Variants in SYNPO observed in about 807,000 individuals in gnomAD.
The protein encoded by SYNPO is synaptopodin.
A neutral mutation model predicts 49.5 loss-of-function variants in SYNPO; 19 were observed. That is an observed-to-expected ratio of 0.38 (90% confidence interval 0.27 to 0.56). The LOEUF (loss-of-function observed/expected upper bound fraction) is 0.56. SYNPO is among the 20% of genes least tolerant of loss of function. The pLI is 0.68. For missense variants in SYNPO, 1,131 were observed against 1,248.3 expected, an observed-to-expected ratio of 0.91 and a Z score of 1.42; for synonymous variants, 536 against 548.0, an observed-to-expected ratio of 0.98 and a Z score of 0.31.
chr5:150,626,364 C>T (rs1332167785), intron 2 of SYNPO, among the ~76,000 whole-genome samples: 2 of 152,230 alleles, frequency 1.3e-5, no homozygotes, highest in East Asian at 3.8e-4. Flanking sequence ...TCCTCCCCTT[C>T]TCTGGTCCTC....
Position 150,640,855 on chromosome 5 carries a change from G to GT in SYNPO, c.-333+2dup. 2 of 985,664 alleles carry GT rather than the reference G, an allele frequency of 2.0e-6. No individual in the cohort carries two copies. Among genetic ancestry groups the GT allele is most frequent in the Non-Finnish European group, 2.4e-6 (2 of 829,980 alleles). The allele number at this position is 985,664 out of a possible 1,614,324, so 61.1% of individuals were successfully genotyped here. ...TTGGCTTCAGGGAGGACCTAGCAGA[G>GT]TGAGTAAGATGAGCACCCGGAGGTG... On this transcript the variant is annotated splice_donor_variant, in intron 1 of 2. Transcript: ENST00000307662. LOFTEE classifies it low-confidence loss of function (5UTR_SPLICE).
chr5:150,600,407 TC>T (rs1323579785), upstream of SYNPO, among the ~76,000 whole-genome samples: 1 of 152,132 alleles, frequency 6.6e-6, no homozygotes, highest in African/African-American at 2.4e-5. Flanking sequence ...CCCCAGCCCA[TC>T]CCCCAGGCAG....
intron 1 of SYNPO, among the ~76,000 whole-genome samples, chr5:150,613,599 C>A (rs1039303208): frequency 6.6e-6 from 1 of 152,112 alleles, no homozygotes; most frequent in African/African-American, 2.4e-5. Context: ...ACAGTCAGAG[C>A]CACACTCTAG....
In SYNPO at chr5:150,605,349, C is replaced by A. The variant is rs77046972; in HGVS notation, c.-266+4161C>A. On this transcript the variant is annotated intron_variant, in intron 1 of 2. Transcript: ENST00000394243. ...TTGGCGGGTGGTCAGGACTAGCACT[C>A]TTCCTTGTCACTGATAGCAGGGATG... 7.9e-5 allele frequency among the ~76,000 whole-genome samples: 12 copies of A among 152,318 alleles called. No homozygotes were observed. The East Asian group carries it at 2.3e-3, about 29-fold the overall frequency.
rs1191923984 is a variant in SYNPO, at chr5:150,646,816, A to C, written c.-332-1128A>C. Among the ~76,000 whole-genome samples, 3 of 152,244 alleles carry C rather than the reference A, an allele frequency of 2.0e-5. No individual in the cohort carries two copies. In the East Asian group the frequency reaches 5.8e-4, roughly 29 times the overall value. On this transcript the variant is annotated intron_variant, in intron 1 of 2. Coordinates refer to ENST00000307662, the MANE Select transcript of SYNPO (RefSeq NM_007286.6). The stretch of plus-strand genomic sequence containing the variant: ...AAATTAGAGCACATTCCTATGCTAT[A>C]ATTCTGAAAGTATAAAGGGCCCTAA...
Position 150,656,766 on chromosome 5 carries a change from C to CCCGCCT in SYNPO, c.2396_2397insTCCGCC (p.Pro799_Pro800dup). Reference sequence around the variant, plus strand: ...CACCGCCCCCGCCCCCGCCCCCGCCCCCGCCCCCGCGCATGCGCTCGCCAC... The same window carrying CCCGCCT: ...CACCGCCCCCGCCCCCGCCCCCGCCCCCGCCTCCGCCCCCGCGCATGCGCTCGCCAC... On this transcript the variant is annotated inframe_insertion, in exon 3 of 3. Coordinates refer to ENST00000307662, the MANE Select transcript of SYNPO (RefSeq NM_007286.6). 1 of 1,231,476 alleles carries CCCGCCT rather than the reference C, an allele frequency of 8.1e-7. No individual in the cohort carries two copies. 76.3% of individuals were successfully genotyped at this position (1,231,476 alleles called of 1,614,324 possible).
At chr5:150,594,190 G>C in the SYNPO span, among the ~76,000 whole-genome samples, 1 of 152,212 alleles carries the variant, frequency 6.6e-6, no homozygotes, top group African/African-American at 2.4e-5. Context: ...GCTTGAGGGT[G>C]GCGTGGAAGG....
At chr5:150,629,938 C>T (rs950492315) in intron 2 of SYNPO, among the ~76,000 whole-genome samples, 2 of 152,118 alleles carry the variant, frequency 1.3e-5, no homozygotes, top group Admixed American at 6.5e-5. Context: ...AACATGGTCT[C>T]TCCCACACTA....
chr5:150,629,235 A>G (rs1757461754), intron 2 of SYNPO, among the ~76,000 whole-genome samples: 1 of 150,504 alleles, frequency 6.6e-6, no homozygotes, highest in African/African-American at 2.5e-5. Flanking sequence ...CTGGTCTTGA[A>G]CTCCTGGGCT....
intron 2 of SYNPO, among the ~76,000 whole-genome samples, chr5:150,620,907 T>TTCTTTTTTTCTTTTTTTC (rs1757139357): frequency 2.5e-5 from 3 of 120,776 alleles, no homozygotes; most frequent in African/African-American, 1.2e-4. Flanking sequence ...TTCTCTTTCT[T>TTCTTTTTTTCTTTTTTTC]TCTTTCTTTC....
chr5:150,618,467 G>A (rs1272129875), exon 2 of SYNPO: 4 of 1,551,514 alleles, frequency 2.6e-6, no homozygotes, highest in Non-Finnish European at 3.5e-6. Context: ...CAGGTGTCTG[G>A]CTCTGGAAGC....
At chr5:150,609,467 G>A (rs1387445993) in intron 1 of SYNPO, among the ~76,000 whole-genome samples, 1 of 152,032 alleles carries the variant, frequency 6.6e-6, no homozygotes, top group African/African-American at 2.4e-5. Context: ...GCTAATTTTT[G>A]TATTTTTAGT....
intron 2 of SYNPO, among the ~76,000 whole-genome samples, chr5:150,625,471 G>A (rs1189769350): frequency 6.6e-6 from 1 of 152,240 alleles, no homozygotes; most frequent in African/African-American, 2.4e-5. Context: ...TGCCAGAGCA[G>A]TCACACCCTG....
chr5:150,641,150 G>A (rs1227739572), intron 1 of SYNPO, among the ~76,000 whole-genome samples: 1 of 152,218 alleles, frequency 6.6e-6, no homozygotes, highest in East Asian at 1.9e-4. Flanking sequence ...ATGACTCTGG[G>A]GATGGAGAAT....
At chr5:150,637,071 G>T (rs1047259269), upstream of SYNPO, among the ~76,000 whole-genome samples, 1 of 152,232 alleles carries the variant, frequency 6.6e-6, no homozygotes, top group Non-Finnish European at 1.5e-5. Context: ...TTTTACTGAT[G>T]ATGAAGTTGA....
chr5:150,599,775 C>G (rs981849885), upstream of SYNPO, among the ~76,000 whole-genome samples: 11 of 152,144 alleles, frequency 7.2e-5, 1 homozygote. Context: ...GTAGCAGGGA[C>G]TCAATCAATA....
the SYNPO span, among the ~76,000 whole-genome samples, chr5:150,586,315 C>G: frequency 6.6e-6 from 1 of 152,186 alleles, no homozygotes; most frequent in South Asian, 2.1e-4. Context: ...GTGGAGCTTC[C>G]TAAAATAGAA....
At chr5:150,621,609 T>C (rs978605753) in intron 2 of SYNPO, among the ~76,000 whole-genome samples, 1 of 152,180 alleles carries the variant, frequency 6.6e-6, no homozygotes, top group Non-Finnish European at 1.5e-5. Flanking sequence ...CTTCAAACAA[T>C]TACATCCATC....
chr5:150,652,322 T>C, intron 2 of SYNPO: 1 of 992,586 alleles, frequency 1.0e-6, no homozygotes. Context: ...ATGTTCTCAA[T>C]ACACTCTGCC....
Sources: gnomAD v4.1 joint callset for allele counts (sites outside exome capture counted in the v4.1 genomes callset) on GRCh38, gnomAD v4.1.1 for gene constraint, MANE v1.5 for transcripts, NCBI Gene and HGNC (gene_info 2026-07-23, HGNC 2026-07-21) for gene names.